Variants in PCSK6 observed in about 807,000 individuals in gnomAD.
The protein encoded by PCSK6 is paired basic amino acid cleaving enzyme 4.
A neutral mutation model predicts 123.3 loss-of-function variants in PCSK6; 85 were observed. That is an observed-to-expected ratio of 0.69 (90% CI 0.58 to 0.83). The LOEUF (loss-of-function observed/expected upper bound fraction) is 0.83, where lower values mean the gene tolerates loss of function less well. Among genes scored for constraint, PCSK6 ranks in the 40% least tolerant of loss-of-function variants. The probability of loss-of-function intolerance (pLI) is 0.00; values close to 1 mark genes in which losing one functional copy is unlikely to be tolerated. For synonymous variants in PCSK6, 508 were observed against 516.0 expected, an observed-to-expected ratio of 0.98 and a Z score of 0.21; for missense variants, 1,191 against 1,282.3, an observed-to-expected ratio of 0.93 and a Z score of 1.09.
chr15:101,338,871 G>A (rs1002987993), intron 13 of PCSK6, among the ~76,000 whole-genome samples: 3 of 152,200 alleles, frequency 2.0e-5, no homozygotes, highest in Non-Finnish European at 2.9e-5. Flanking sequence ...ATTGTGAGAG[G>A]CAGAGGATAA....
chr15:101,468,226 G>C (rs28396247), intron 1 of PCSK6, among the ~76,000 whole-genome samples: 34,484 of 151,920 alleles, frequency 0.23, 4,297 homozygotes, highest in African/African-American at 0.32. Flanking sequence ...TAGTAAATGA[G>C]ATCAAGCCCT....
chr15:101,344,881 C>T (rs1380994085), intron 13 of PCSK6, among the ~76,000 whole-genome samples: 1 of 152,096 alleles, frequency 6.6e-6, no homozygotes, highest in African/African-American at 2.4e-5. Context: ...CTCTTGAATG[C>T]CTGACTTCAA....
intron 20 of PCSK6, 32 bp from the exon 21 acceptor site, chr15:101,307,357 G>A: frequency 6.5e-7 from 1 of 1,534,460 alleles, no homozygotes; most frequent in Non-Finnish European, 9.0e-7. Context: ...GCTGAAGTCT[G>A]GGGAAGAGGC....
intron 9 of PCSK6, among the ~76,000 whole-genome samples, chr15:101,389,208 G>A (rs2042154838): frequency 6.6e-6 from 1 of 152,170 alleles, no homozygotes; most frequent in Non-Finnish European, 1.5e-5. Context: ...TGTTTGAGCT[G>A]CCCAGTCCGT....
At chr15:101,389,335 A>G (rs2042158128) in intron 9 of PCSK6, 129 bp downstream of exon 9, 1 of 712,402 alleles carries the variant, frequency 1.4e-6, no homozygotes, top group Admixed American at 2.1e-5. Flanking sequence ...GTGCAGGTGC[A>G]CGACTCACTG....
chr15:101,430,009 A>G lies in PCSK6; in HGVS notation c.712T>C (p.Tyr238His). The stretch of plus-strand genomic sequence containing the variant: ...TACTTATTTTCATTGCTGGCATCAT[A>G]TCGTGGAGATGGGTCATAATCATTG... ...NGNDYDPSPR[Y>H]DASNENKHGT... Residue 238 changes from tyrosine to histidine, a missense_variant, in exon 5 of 22, where the codon TAT becomes CAT. Around this residue, in one of 3 missense-constraint regions of PCSK6, gnomAD observed 357 missense variants for 484.5 expected, o/e 0.74. Transcript: ENST00000611716. 1 of 1,613,788 alleles carries G rather than the reference A, an allele frequency of 6.2e-7. No homozygotes were observed. Among genetic ancestry groups the G allele is most frequent in the Non-Finnish European group, 8.5e-7 (1 of 1,179,704 alleles).
At chr15:101,416,919 C>A (rs537677993) in intron 6 of PCSK6, among the ~76,000 whole-genome samples, 1 of 152,282 alleles carries the variant, frequency 6.6e-6, no homozygotes, top group East Asian at 1.9e-4. Flanking sequence ...GTGGGGCCCT[C>A]ATGAAGAACC....
intron 2 of PCSK6, among the ~76,000 whole-genome samples, chr15:101,437,190 A>C (rs1375790800): frequency 3.3e-5 from 5 of 152,214 alleles, no homozygotes; most frequent in African/African-American, 1.2e-4. Context: ...AGCAGATCCA[A>C]GTTCTCCGAG....
In PCSK6 at chr15:101,306,002, G is replaced by A. The variant is rs530472763; in HGVS notation, c.2813-647C>T. On this transcript the variant is annotated intron_variant, in intron 21 of 21. Coordinates refer to ENST00000611716, the MANE Select transcript of PCSK6 (RefSeq NM_002570.5). ...CAGCCTGGGCCTGTGGGGCACATGT[G>A]CACCTGTCTTTCTGGACAACTGCTG... Among the ~76,000 whole-genome samples, 238 of 152,282 alleles carry A rather than the reference G, an allele frequency of 1.6e-3. 1 individual carries two copies. The highest frequency in any genetic ancestry group is 4.9e-3 in the African/African-American group (204 of 41,566).
At chr15:101,333,794 T>C (rs1469965320) in intron 13 of PCSK6, among the ~76,000 whole-genome samples, 1 of 3,800 alleles carries the variant, frequency 2.6e-4, no homozygotes, top group Non-Finnish European at 5.0e-4. Flanking sequence ...CCATCCTGGG[T>C]GGGTGGGCGG....
chr15:101,489,193 C>G (rs1368188332), intron 1 of PCSK6, among the ~76,000 whole-genome samples, 181 bp downstream of exon 1: 5 of 73,996 alleles, frequency 6.8e-5, no homozygotes, highest in African/African-American at 2.2e-4. Flanking sequence ...CGCGCGCGCC[C>G]CCCCGGGCGA....
intron 13 of PCSK6, among the ~76,000 whole-genome samples, chr15:101,363,657 T>G (rs2041301421): frequency 6.6e-6 from 1 of 151,508 alleles, no homozygotes; most frequent in African/African-American, 2.4e-5. Context: ...TGAGACGGAG[T>G]CTCGCTCTGT....
intron 1 of PCSK6, among the ~76,000 whole-genome samples, chr15:101,444,557 T>C (rs2056838223): frequency 6.6e-6 from 1 of 152,222 alleles, no homozygotes; most frequent in Non-Finnish European, 1.5e-5. Flanking sequence ...AATGGTCCTC[T>C]ACAGCAGTTC....
At chr15:101,421,199 G>C (rs560869033) in intron 6 of PCSK6, among the ~76,000 whole-genome samples, 1 of 152,108 alleles carries the variant, frequency 6.6e-6, no homozygotes, top group South Asian at 2.1e-4. Context: ...GCTCACCTCC[G>C]CCTCTCAAAG....
intron 1 of PCSK6, among the ~76,000 whole-genome samples, chr15:101,480,571 C>A (rs888410327): frequency 4.6e-5 from 7 of 152,208 alleles, no homozygotes; most frequent in Admixed American, 4.6e-4. Context: ...AGACAGGGGG[C>A]CTTGCGCCTG....
intron 11 of PCSK6, among the ~76,000 whole-genome samples, chr15:101,376,135 C>G (rs551295044): frequency 1.3e-5 from 2 of 152,248 alleles, no homozygotes; most frequent in African/African-American, 4.8e-5. Flanking sequence ...CTCTGTCACC[C>G]AGGCTGGGGT....
intron 1 of PCSK6, among the ~76,000 whole-genome samples, chr15:101,484,198 A>T (rs943941607): frequency 1.3e-5 from 2 of 152,194 alleles, no homozygotes; most frequent in African/African-American, 4.8e-5. Flanking sequence ...ACCCACACAC[A>T]TAAGCGTGTG....
chr15:101,316,643 G>A (rs141141597), intron 19 of PCSK6, among the ~76,000 whole-genome samples: 2 of 152,370 alleles, frequency 1.3e-5, no homozygotes, highest in African/African-American at 4.8e-5. Flanking sequence ...CCATCCAGAT[G>A]CTGAGCACTG....
Position 101,304,976 on chromosome 15 carries a change from C to G in PCSK6, c.*282G>C, listed in dbSNP as rs1193003435. ...TAAACTTATGGTCCCAGAAGCTGCT[C>G]CAAAGCCAGAGCTGTGGATTCCCAG... On this transcript the variant is annotated 3_prime_UTR_variant, in exon 22 of 22. Transcript: ENST00000611716. The G allele has an allele frequency of 7.2e-6, 3 of 414,986 alleles. No homozygotes were observed. Among genetic ancestry groups the G allele is most frequent in the Admixed American group, 7.8e-5 (2 of 25,798 alleles). 25.7% of individuals were successfully genotyped at this position (414,986 alleles called of 1,614,324 possible).
Sources: allele counts gnomAD v4.1 joint callset (sites outside exome capture counted in the v4.1 genomes callset), GRCh38; gene constraint gnomAD v4.1.1; regional missense constraint gnomAD v4.1.1; transcripts MANE v1.5; gene names NCBI Gene and HGNC (gene_info 2026-07-23, HGNC 2026-07-21).